Variants in GATAD2B observed in about 807,000 individuals in gnomAD.
GATAD2B encodes the protein GATA zinc finger domain containing 2B, also known as transcriptional repressor p66-beta.
Under a neutral mutation model 64.3 loss-of-function variants are expected in GATAD2B, and 8 were observed. That is an observed-to-expected ratio of 0.12 (90% CI 0.07 to 0.22). The LOEUF (loss-of-function observed/expected upper bound fraction) is 0.22. Among genes scored for constraint, GATAD2B ranks in the 10% least tolerant of loss-of-function variants. GATAD2B has a pLI of 1.00. For synonymous variants in GATAD2B, 281 were observed against 271.3 expected (o/e 1.04, Z -0.35); for missense variants, 453 against 752.0 (o/e 0.60, Z 4.65).
intron 1 of GATAD2B, among the ~76,000 whole-genome samples, chr1:153,848,253 G>A (rs1237022866): frequency 2.0e-5 from 3 of 152,012 alleles, no homozygotes; most frequent in Non-Finnish European, 4.4e-5. Flanking sequence ...CTTTCTTCTG[G>A]CTTAAAACCA....
chr1:153,889,039 T>A (rs376645380), intron 1 of GATAD2B, among the ~76,000 whole-genome samples: 23 of 152,244 alleles, frequency 1.5e-4, no homozygotes, highest in African/African-American at 4.8e-4. Context: ...ATGTAAGTTA[T>A]CACAGCCATA....
intron 1 of GATAD2B, among the ~76,000 whole-genome samples, chr1:153,871,423 C>G (rs1265514394): frequency 6.6e-6 from 1 of 152,046 alleles, no homozygotes; most frequent in East Asian, 1.9e-4. Flanking sequence ...AGGCTGGTCT[C>G]AAACTCCTGA....
chr1:153,826,299 G>T (rs888106294), intron 2 of GATAD2B, among the ~76,000 whole-genome samples: 4 of 152,040 alleles, frequency 2.6e-5, no homozygotes, highest in Admixed American at 2.6e-4. Context: ...GATTACAGGC[G>T]TGAGCCACCG....
intron 1 of GATAD2B, among the ~76,000 whole-genome samples, chr1:153,892,182 AAAAG>A (rs1557825563): frequency 6.6e-6 from 1 of 151,030 alleles, no homozygotes; most frequent in Admixed American, 6.6e-5. Flanking sequence ...AAAAAAAAAA[AAAAG>A]AAAAGACAAG....
chr1:153,897,107 C>T (rs1677621353), intron 1 of GATAD2B, among the ~76,000 whole-genome samples: 1 of 150,826 alleles, frequency 6.6e-6, no homozygotes, highest in African/African-American at 2.4e-5. Context: ...CGGCTCACTG[C>T]AGGCTCCACC....
Position 153,816,171 on chromosome 1 carries a change from GA to G in GATAD2B, c.1216+101del. Reference sequence around the variant, plus strand: ...GGAGGTGGTTTGGTAACAGGAAGGAGAAGTTATTTAATATTGTACAGTACCC... The same window carrying G: ...GGAGGTGGTTTGGTAACAGGAAGGAGAGTTATTTAATATTGTACAGTACCC... On this transcript the variant is annotated intron_variant, in intron 7 of 10. Coordinates refer to ENST00000368655, the MANE Select transcript of GATAD2B (RefSeq NM_020699.4). The surrounding 1 kb of genome is among the most constrained non-coding windows in gnomAD (Gnocchi z 4.9). The G allele has an allele frequency of 1.3e-6, 1 of 748,958 alleles. No individual in the cohort carries two copies. Among genetic ancestry groups the G allele is most frequent in the Non-Finnish European group, 2.3e-6 (1 of 442,122 alleles). The allele number at this position is 748,958 out of a possible 1,614,324, so 46.4% of individuals were successfully genotyped here. A position where few individuals can be genotyped will look rare whatever the true frequency, so the allele number is the denominator to read the frequency against.
chr1:153,913,720 C>A (rs1391321592), intron 1 of GATAD2B, among the ~76,000 whole-genome samples: 3 of 151,796 alleles, frequency 2.0e-5, no homozygotes, highest in Admixed American at 1.3e-4. Flanking sequence ...AGATCGAGAC[C>A]ATCCTGGCTA....
At position 153,808,516 on chromosome 1, in the gene GATAD2B, T is replaced by C. The variant is rs1674176571; in HGVS notation, c.*1661A>G. On this transcript the variant is annotated 3_prime_UTR_variant, in exon 11 of 11. Transcript: ENST00000368655. ...TTTTAAAAAATAAAAGTGGGGAAAC[T>C]TCCTCAGGTGACTTTCAAGGGCAAA... is the stretch of plus-strand genomic sequence containing the variant. 1 of 152,618 alleles carries C rather than the reference T, an allele frequency of 6.6e-6. No individual in the cohort carries two copies. The allele number at this position is 152,618 out of a possible 1,614,324, so 9.5% of individuals were successfully genotyped here.
At chr1:153,886,290 T>A (rs918820213) in intron 1 of GATAD2B, 1 of 152,198 alleles carries the variant, frequency 6.6e-6, no homozygotes, top group Non-Finnish European at 1.5e-5. Context: ...CTAGATGGTA[T>A]AGCCTATTGC....
intron 1 of GATAD2B, among the ~76,000 whole-genome samples, chr1:153,854,738 G>C (rs1369531518): frequency 6.6e-6 from 1 of 152,018 alleles, no homozygotes; most frequent in Non-Finnish European, 1.5e-5. Context: ...ATTTTCATAA[G>C]AACTAGTTCA....
chr1:153,835,056 T>TGA (rs1024978330), intron 1 of GATAD2B, among the ~76,000 whole-genome samples: 1 of 152,044 alleles, frequency 6.6e-6, no homozygotes, highest in African/African-American at 2.4e-5. Flanking sequence ...GAGGCTACAA[T>TGA]GAGCTACGAT....
chr1:153,916,211 G>A (rs1046861228), intron 1 of GATAD2B, among the ~76,000 whole-genome samples: 5 of 151,800 alleles, frequency 3.3e-5, no homozygotes, highest in African/African-American at 4.8e-5. Context: ...AACCCAGGAG[G>A]TGGAGGTTGC....
At chr1:153,819,017 A>T in intron 3 of GATAD2B, 95 bp from the exon 4 acceptor site, 1 of 1,265,334 alleles carries the variant, frequency 7.9e-7, no homozygotes, top group Non-Finnish European at 1.1e-6. Flanking sequence ...TGAAACCTTC[A>T]TCTTCCACAA....
At chr1:153,836,636 T>C (rs1223739073) in intron 1 of GATAD2B, among the ~76,000 whole-genome samples, 1 of 151,816 alleles carries the variant, frequency 6.6e-6, no homozygotes, top group Non-Finnish European at 1.5e-5. Context: ...GAGCTATGAT[T>C]GCGCCACTCT....
intron 1 of GATAD2B, among the ~76,000 whole-genome samples, chr1:153,876,888 A>C (rs1485298696): frequency 1.3e-5 from 2 of 152,088 alleles, no homozygotes; most frequent in Non-Finnish European, 2.9e-5. Context: ...CTGTAATTTC[A>C]GCTACTCGGG....
intron 1 of GATAD2B, among the ~76,000 whole-genome samples, chr1:153,916,935 G>A (rs1418420537): frequency 1.3e-5 from 2 of 151,990 alleles, no homozygotes; most frequent in African/African-American, 2.4e-5. Flanking sequence ...AGCCCCCCGA[G>A]TAGCTGGGAT....
At chr1:153,832,615 C>A (rs1419935281) in intron 1 of GATAD2B, among the ~76,000 whole-genome samples, 1 of 152,194 alleles carries the variant, frequency 6.6e-6, no homozygotes, top group Non-Finnish European at 1.5e-5. Context: ...ACAAAAGTGA[C>A]ACATTAACAG....
chr1:153,861,639 C>T (rs915612728), intron 1 of GATAD2B, among the ~76,000 whole-genome samples: 3 of 149,278 alleles, frequency 2.0e-5, no homozygotes, highest in African/African-American at 7.4e-5. Context: ...AAAAATTAGC[C>T]GGGCGTGGTG....
Position 153,861,809 on chromosome 1 carries a change from T to TATACAC in GATAD2B, c.-1-33462_-1-33461insGTGTAT, listed in dbSNP as rs1294838675. On this transcript the variant is annotated intron_variant, in intron 1 of 10. Coordinates refer to ENST00000368655, the MANE Select transcript of GATAD2B (RefSeq NM_020699.4). The stretch of plus-strand genomic sequence containing the variant: ...AAAAAAAAAAAAATATATATATATA[T>TATACAC]ACACATATGTATATATATGTATATG... Among the ~76,000 whole-genome samples, 72 of 122,136 alleles carry TATACAC rather than the reference T, an allele frequency of 5.9e-4. 2 individuals carry two copies. The highest frequency in any genetic ancestry group is 4.3e-3 in the South Asian group (16 of 3,756). The allele number at this position is 122,136 out of a possible 152,430, so 80.1% of individuals were successfully genotyped here. A position where few individuals can be genotyped will look rare whatever the true frequency, so the allele number is the denominator to read the frequency against.
Sources: allele counts gnomAD v4.1 joint callset (sites outside exome capture counted in the v4.1 genomes callset), GRCh38; gene constraint gnomAD v4.1.1; non-coding constraint Gnocchi (gnomAD v3.1); transcripts MANE v1.5; gene names NCBI Gene and HGNC (gene_info 2026-07-23, HGNC 2026-07-21).